Variants in CNTN5 observed in about 807,000 individuals in gnomAD.
CNTN5 encodes the protein contactin 5.
CNTN5 carries 77 observed loss-of-function variants against 129.1 expected under a neutral mutation model. The ratio of observed to expected loss-of-function variants is 0.60; its 90% CI spans 0.50 to 0.72. The LOEUF (loss-of-function observed/expected upper bound fraction) is 0.72. CNTN5 is among the 30% of genes least tolerant of loss of function. CNTN5 has a pLI of 0.00. For missense variants in CNTN5, 1,478 were observed against 1,328.8 expected (o/e 1.11, Z -1.75); for synonymous variants, 509 against 465.6 (o/e 1.09, Z -1.20).
intron 9 of CNTN5, among the ~76,000 whole-genome samples, chr11:100,032,512 T>C (rs35003791): frequency 0.082 from 12,476 of 151,882 alleles, 612 homozygotes; most frequent in East Asian, 0.19. Context: ...AATAATGATA[T>C]ATATATATAT....
chr11:100,113,213 G>A (rs1349691535), intron 13 of CNTN5, among the ~76,000 whole-genome samples: 1 of 151,438 alleles, frequency 6.6e-6, no homozygotes, highest in Non-Finnish European at 1.5e-5. Flanking sequence ...TGCCACAGAG[G>A]AACTAAATTT....
At chr11:100,053,982 A>G (rs1002859374) in intron 9 of CNTN5, among the ~76,000 whole-genome samples, 2 of 151,828 alleles carry the variant, frequency 1.3e-5, no homozygotes, top group African/African-American at 4.8e-5. Context: ...GTATTATTCA[A>G]TTTACATAAA....
At chr11:100,130,180 A>T (rs1946329166) in intron 13 of CNTN5, among the ~76,000 whole-genome samples, 1 of 152,176 alleles carries the variant, frequency 6.6e-6, no homozygotes, top group Non-Finnish European at 1.5e-5. Context: ...GACAAAGGTA[A>T]AACTTAAAAT....
chr11:99,807,529 G>T (rs1946310174), intron 3 of CNTN5, among the ~76,000 whole-genome samples: 1 of 152,112 alleles, frequency 6.6e-6, no homozygotes, highest in African/African-American at 2.4e-5. Flanking sequence ...ATGTGTGTGT[G>T]TTTTAAGATG....
chr11:99,992,154 A>G (rs1939144971), intron 8 of CNTN5, among the ~76,000 whole-genome samples: 2 of 152,240 alleles, frequency 1.3e-5, no homozygotes, highest in Non-Finnish European at 1.5e-5. Context: ...TTTCCAACTC[A>G]TTAGTCCAGC....
At chr11:99,690,361 A>G (rs1268149694) in intron 3 of CNTN5, among the ~76,000 whole-genome samples, 6 of 152,054 alleles carry the variant, frequency 3.9e-5, no homozygotes, top group African/African-American at 1.2e-4. Context: ...GTTGGGTAAC[A>G]TGATGCCTCC....
intron 23 of CNTN5, among the ~76,000 whole-genome samples, chr11:100,348,622 A>G (rs2139033305): frequency 6.6e-6 from 1 of 152,116 alleles, no homozygotes; most frequent in African/African-American, 2.4e-5. Context: ...CAATTTACAT[A>G]CTTTCCCATT....
intron 1 of CNTN5, among the ~76,000 whole-genome samples, chr11:99,066,092 T>A (rs995073443): frequency 1.3e-5 from 2 of 152,108 alleles, no homozygotes; most frequent in African/African-American, 4.8e-5. Flanking sequence ...TTCAAATAAC[T>A]TTTTTGCTAG....
At chr11:100,145,695 C>T (rs1313221231) in intron 13 of CNTN5, among the ~76,000 whole-genome samples, 1 of 152,114 alleles carries the variant, frequency 6.6e-6, no homozygotes, top group African/African-American at 2.4e-5. Flanking sequence ...TATTGACTTG[C>T]TTTTGGCTAC....
chr11:99,554,581 G>A (rs192816491), intron 2 of CNTN5, among the ~76,000 whole-genome samples: 133 of 152,170 alleles, frequency 8.7e-4, no homozygotes, highest in Non-Finnish European at 1.1e-3. Flanking sequence ...TAAATAGAGC[G>A]AGAAGTACCA....
intron 2 of CNTN5, among the ~76,000 whole-genome samples, chr11:99,433,029 G>A (rs914747829): frequency 2.8e-5 from 4 of 144,900 alleles, no homozygotes; most frequent in African/African-American, 7.4e-5. Context: ...AAAAAAAAAG[G>A]TTTAGTGGAC....
chr11:99,611,665 A>G (rs1950595987), intron 3 of CNTN5, among the ~76,000 whole-genome samples: 2 of 152,186 alleles, frequency 1.3e-5, no homozygotes, highest in African/African-American at 4.8e-5. Context: ...TGTATATTAT[A>G]ATCAACCCAA....
chr11:99,851,369 A>C (rs1591309905), intron 6 of CNTN5, among the ~76,000 whole-genome samples: 1 of 152,306 alleles, frequency 6.6e-6, no homozygotes, highest in East Asian at 1.9e-4. Context: ...TATTTTTGAC[A>C]AAAGATATTT....
chr11:99,174,041 A>G (rs1391355559), intron 1 of CNTN5, among the ~76,000 whole-genome samples: 1 of 152,140 alleles, frequency 6.6e-6, no homozygotes. Flanking sequence ...TCTGTCACGC[A>G]GGCTGGAGTG....
At chr11:99,994,323 C>G (rs1201807661) in intron 8 of CNTN5, among the ~76,000 whole-genome samples, 1 of 151,910 alleles carries the variant, frequency 6.6e-6, no homozygotes, top group African/African-American at 2.4e-5. Flanking sequence ...TGTCGTACAA[C>G]CTTGGTACCT....
chr11:99,428,122 T>C (rs982175700), intron 2 of CNTN5, among the ~76,000 whole-genome samples: 5 of 152,174 alleles, frequency 3.3e-5, no homozygotes, highest in Admixed American at 3.3e-4. Context: ...TCATAGAAAA[T>C]TATTTTCCTT....
intron 1 of CNTN5, among the ~76,000 whole-genome samples, chr11:99,300,393 T>A (rs1332994464): frequency 6.6e-6 from 1 of 152,140 alleles, no homozygotes; most frequent in African/African-American, 2.4e-5. Context: ...TTTTCATTTT[T>A]ATTCTGTTCA....
At chr11:99,990,853 C>G (rs986309089) in intron 8 of CNTN5, among the ~76,000 whole-genome samples, 2 of 152,072 alleles carry the variant, frequency 1.3e-5, no homozygotes, top group Non-Finnish European at 2.9e-5. Flanking sequence ...ATCTAACGTA[C>G]TACTAGATTT....
chr11:100,168,289 C>T (rs968302278), intron 13 of CNTN5, among the ~76,000 whole-genome samples: 3 of 151,880 alleles, frequency 2.0e-5, no homozygotes, highest in Non-Finnish European at 2.9e-5. Context: ...GACAAAACAG[C>T]CTTATTTTGG....
Sources: gnomAD v4.1 joint callset for allele counts (sites outside exome capture counted in the v4.1 genomes callset) on GRCh38, gnomAD v4.1.1 for gene constraint, MANE v1.5 for transcripts, NCBI Gene and HGNC (gene_info 2026-07-23, HGNC 2026-07-21) for gene names.